The following GDI2 variants were observed in gnomAD, a reference collection of about 807,000 sequenced individuals.
GDI2 encodes rab GDP dissociation inhibitor beta.
A neutral mutation model predicts 54.2 loss-of-function variants in GDI2; 22 were observed. That is an observed-to-expected ratio of 0.41 (90% CI 0.29 to 0.58). The LOEUF (loss-of-function observed/expected upper bound fraction) is 0.58, where lower values mean the gene tolerates loss of function less well. Ranked by LOEUF, GDI2 falls within the 20% of genes least tolerant of loss-of-function variation. The pLI, the probability that GDI2 is intolerant of heterozygous loss-of-function variation, is 0.35. For synonymous variants in GDI2, 177 were observed against 182.1 expected, an observed-to-expected ratio of 0.97 and a Z score of 0.23; for missense variants, 422 against 546.0, an observed-to-expected ratio of 0.77 and a Z score of 2.26.
intron 2 of GDI2, among the ~76,000 whole-genome samples, chr10:5,798,969 C>A (rs1263527311): frequency 2.6e-5 from 4 of 151,208 alleles, no homozygotes. Flanking sequence ...GCAAGACTGT[C>A]TCAAAAAAAT....
At chr10:5,812,205 A>T (rs1033136) in intron 1 of GDI2, among the ~76,000 whole-genome samples, 220 of 56,650 alleles carry the variant, frequency 3.9e-3, no homozygotes, top group African/African-American at 8.7e-3. Context: ...ATGAACATTT[A>T]AAAAAAAAAA....
intron 1 of GDI2, 131 bp downstream of exon 1, chr10:5,813,083 A>T: frequency 1.8e-6 from 1 of 547,710 alleles, no homozygotes; most frequent in South Asian, 2.5e-5. Context: ...CCTAGCCACG[A>T]CTCCCGTCCC....
At position 5,776,817 on chromosome 10, in the gene GDI2, C is replaced by A; in HGVS notation, c.720-2876G>T. 6.8e-7 allele frequency: 1 copy of A among 1,472,326 alleles called. No individual in the cohort carries two copies. Among genetic ancestry groups the A allele is most frequent in the Non-Finnish European group, 9.4e-7 (1 of 1,068,906 alleles). 91.2% of individuals were successfully genotyped at this position (1,472,326 alleles called of 1,614,324 possible). On this transcript the variant is annotated intron_variant, in intron 6 of 10. Transcript: ENST00000380191. This position sits in a 1 kb window ranked among gnomAD's most constrained non-coding sequence, Gnocchi z 5.3. ...TTGGATTTTCCATCTCCAGAACTTCCCCTTATGGAGCTGAGGATATTCTGA... is the reference window on the plus strand; with the variant it reads ...TTGGATTTTCCATCTCCAGAACTTCACCTTATGGAGCTGAGGATATTCTGA...
At chr10:5,794,189 ATATATATATAT>A (rs1241360668) in intron 4 of GDI2, among the ~76,000 whole-genome samples, 952 of 33,902 alleles carry the variant, frequency 0.028, 53 homozygotes, top group East Asian at 0.057. Flanking sequence ...AAAAAAAAAA[ATATATATATAT>A]ATATATATAT....
chr10:5,772,653 A>T (rs1363844915), intron 7 of GDI2, among the ~76,000 whole-genome samples: 1 of 152,166 alleles, frequency 6.6e-6, no homozygotes, highest in Non-Finnish European at 1.5e-5. Context: ...GCTACTCGGG[A>T]GGCTGAGGTA....
At chr10:5,772,362 C>T (rs1025749784) in intron 7 of GDI2, among the ~76,000 whole-genome samples, 1 of 152,154 alleles carries the variant, frequency 6.6e-6, no homozygotes, top group South Asian at 2.1e-4. Context: ...TGCTTTGTAA[C>T]TTCATTTAAA....
At position 5,766,594 on chromosome 10, in the gene GDI2, G is replaced by C. The variant is rs1304869088; in HGVS notation, c.1036C>G (p.Gln346Glu). Residue 346 changes from glutamine (Q) to glutamate (E), a missense_variant, in exon 9 of 11, where the codon CAA becomes GAA. Transcript: ENST00000380191. This position sits in a 1 kb window ranked among gnomAD's most constrained non-coding sequence, Gnocchi z 5.8. Reference sequence around the variant, plus strand: ...CTAACTATAGCAATGTACTTCCCTTGTGCTGCTACATTGTGCGCAAAGGAG... The same window carrying C: ...CTAACTATAGCAATGTACTTCCCTTCTGCTGCTACATTGTGCGCAAAGGAG... ...MISFAHNVAA[Q>E]GKYIAIVSTT... The C allele has an allele frequency of 5.0e-6, 8 of 1,612,522 alleles. No homozygotes were observed. The South Asian group carries it at 8.8e-5, about 18-fold the overall frequency.
intron 1 of GDI2, among the ~76,000 whole-genome samples, chr10:5,804,005 A>G (rs1341156367): frequency 6.6e-6 from 1 of 152,168 alleles, no homozygotes; most frequent in Non-Finnish European, 1.5e-5. Context: ...GTTTTCTTCC[A>G]TAATATATCT....
chr10:5,776,497 A>C lies in GDI2; in HGVS notation c.720-2556T>G. ...CCAGCAGAGCCATGTATTAGAAGCA[A>C]AGGCCCGAAAGATAAAACAATTATA... is the stretch of plus-strand genomic sequence containing the variant. On this transcript the variant is annotated intron_variant, in intron 6 of 10. Coordinates refer to ENST00000380191, the MANE Select transcript of GDI2 (RefSeq NM_001494.4). This position sits in a 1 kb window ranked among gnomAD's most constrained non-coding sequence, Gnocchi z 5.3. 117 of 1,152,390 alleles carry C rather than the reference A, an allele frequency of 1.0e-4. No individual in the cohort carries two copies. Among genetic ancestry groups the C allele is most frequent in the Non-Finnish European group, 1.3e-4 (103 of 764,124 alleles). The allele number at this position is 1,152,390 out of a possible 1,614,324, so 71.4% of individuals were successfully genotyped here. A position where few individuals can be genotyped will look rare whatever the true frequency, so the allele number is the denominator to read the frequency against.
intron 1 of GDI2, among the ~76,000 whole-genome samples, chr10:5,804,313 T>C (rs1841331250): frequency 6.6e-6 from 1 of 152,078 alleles, no homozygotes; most frequent in Admixed American, 6.6e-5. Flanking sequence ...AGGTTGGTCT[T>C]GAACTCCTGG....
At chr10:5,786,403 G>C (rs1347102743) in intron 4 of GDI2, among the ~76,000 whole-genome samples, 1 of 151,930 alleles carries the variant, frequency 6.6e-6, no homozygotes, top group Non-Finnish European at 1.5e-5. Flanking sequence ...CTGACCTCAG[G>C]TGATCCGCCC....
rs755644187 is a variant in GDI2 at position 5,802,024 on chromosome 10, G to T, written c.46-1319C>A. Among the ~76,000 whole-genome samples, 3 of 152,002 alleles carry T rather than the reference G, an allele frequency of 2.0e-5. No homozygotes were observed. The South Asian group carries it at 6.2e-4, about 31-fold the overall frequency. On this transcript the variant is annotated intron_variant, in intron 1 of 10. Coordinates refer to ENST00000380191, the MANE Select transcript of GDI2 (RefSeq NM_001494.4). ...CTGAGTAGCAAAAAGAATTAATAAA[G>T]TTATTTAATAAACATATACCCTTCA...
chr10:5,804,806 T>C (rs1321322090), intron 1 of GDI2, among the ~76,000 whole-genome samples: 3 of 151,802 alleles, frequency 2.0e-5, no homozygotes, highest in African/African-American at 4.8e-5. Flanking sequence ...AACGTCTACA[T>C]AACCTAAAAT....
chr10:5,804,096 C>CTTTT (rs34897650), intron 1 of GDI2, among the ~76,000 whole-genome samples: 3 of 147,272 alleles, frequency 2.0e-5, no homozygotes, highest in African/African-American at 2.5e-5. Flanking sequence ...ATCATTCTTT[C>CTTTT]TTTTTTTTTT....
rs531430563 is a variant in GDI2 at position 5,777,089 on chromosome 10, G to A, written c.720-3148C>T. ...CAACTTAGTACACACTAAATTCATG[G>A]AGGTTCAGTTTCTCCAGATACAAAC... On this transcript the variant is annotated intron_variant, in intron 6 of 10. Transcript: ENST00000380191. Among the ~76,000 whole-genome samples the A allele has an allele frequency of 8.5e-4, 129 of 152,280 alleles. 1 individual carries two copies. Among genetic ancestry groups the A allele is most frequent in the African/African-American group, 3.0e-3 (124 of 41,538 alleles).
At chr10:5,808,588 A>G (rs1162469735) in intron 1 of GDI2, among the ~76,000 whole-genome samples, 2 of 151,342 alleles carry the variant, frequency 1.3e-5, no homozygotes, top group Non-Finnish European at 2.9e-5. Context: ...AGGCAGGAGA[A>G]TTACTTGAAC....
At chr10:5,788,929 A>AC (rs1554788992) in intron 4 of GDI2, among the ~76,000 whole-genome samples, 1 of 151,014 alleles carries the variant, frequency 6.6e-6, no homozygotes, top group African/African-American at 2.4e-5. Context: ...GACCTGGCTA[A>AC]TTTTTTTTTG....
intron 1 of GDI2, among the ~76,000 whole-genome samples, chr10:5,803,880 T>A (rs1477958698): frequency 6.6e-6 from 1 of 152,158 alleles, no homozygotes; most frequent in Admixed American, 6.5e-5. Flanking sequence ...TCTTTATAAA[T>A]CTTTAATATT....
intron 4 of GDI2, among the ~76,000 whole-genome samples, chr10:5,790,529 C>G (rs929477889): frequency 3.9e-5 from 6 of 152,052 alleles, no homozygotes; most frequent in Non-Finnish European, 7.3e-5. Context: ...CCTGTTATCC[C>G]AGATACTTGG....
Sources: allele counts gnomAD v4.1 joint callset (sites outside exome capture counted in the v4.1 genomes callset), GRCh38; gene constraint gnomAD v4.1.1; non-coding constraint Gnocchi (gnomAD v3.1); transcripts MANE v1.5; gene names NCBI Gene and HGNC (gene_info 2026-07-23, HGNC 2026-07-21).